Variants in MAML2 observed in about 807,000 individuals in gnomAD.
MAML2 encodes the protein mastermind-like protein 2.
MAML2 carries 22 observed loss-of-function variants against 96.1 expected under a neutral mutation model. The ratio of observed to expected loss-of-function variants is 0.23; its 90% confidence interval spans 0.16 to 0.33. The LOEUF (loss-of-function observed/expected upper bound fraction) is 0.33, where lower values mean the gene tolerates loss of function less well. MAML2 is among the 10% of genes least tolerant of loss of function. The pLI, the probability that MAML2 is intolerant of heterozygous loss-of-function variation, is 1.00. For synonymous variants in MAML2, 561 were observed against 521.3 expected, an observed-to-expected ratio of 1.08 and a Z score of -1.04; for missense variants, 1,367 against 1,392.4, an observed-to-expected ratio of 0.98 and a Z score of 0.29.
intron 1 of MAML2, among the ~76,000 whole-genome samples, chr11:96,331,173 GC>G (rs1351516152): frequency 6.6e-6 from 1 of 152,214 alleles, no homozygotes; most frequent in East Asian, 1.9e-4. Flanking sequence ...CAGAAGGCTG[GC>G]GGGGAGGATC....
At chr11:96,138,972 C>T (rs1007138472) in intron 1 of MAML2, among the ~76,000 whole-genome samples, 1 of 152,080 alleles carries the variant, frequency 6.6e-6, no homozygotes, top group African/African-American at 2.4e-5. Context: ...TTTAGTCTTC[C>T]AAAAATATGA....
At chr11:96,125,477 A>G (rs745862038) in intron 1 of MAML2, among the ~76,000 whole-genome samples, 15 of 152,128 alleles carry the variant, frequency 9.9e-5, no homozygotes, top group Non-Finnish European at 1.5e-4. Context: ...CAGTTTTACA[A>G]AAGAGAATCC....
Position 96,055,965 on chromosome 11 carries a change from T to C in MAML2, c.2139+35927A>G, listed in dbSNP as rs1022146782. Among the ~76,000 whole-genome samples, 14 of 152,368 alleles carry C rather than the reference T, an allele frequency of 9.2e-5. 1 individual carries two copies. The highest frequency in any genetic ancestry group is 3.4e-3 in the Middle Eastern group (1 of 294). On this transcript the variant is annotated intron_variant, in intron 2 of 4. Transcript: ENST00000524717. ...AAAAAAGTAATAGCATTATAACCTT[T>C]TTTTTAAAAGGGTCTGGTTTCCTTG...
intron 2 of MAML2, among the ~76,000 whole-genome samples, chr11:95,996,074 A>ATCAG (rs1483989505): frequency 6.6e-6 from 1 of 151,782 alleles, no homozygotes; most frequent in Non-Finnish European, 1.5e-5. Flanking sequence ...GGAAAAATCA[A>ATCAG]TCAATCAATC....
chr11:96,241,468 T>C (rs951787108), intron 1 of MAML2, among the ~76,000 whole-genome samples: 1 of 152,220 alleles, frequency 6.6e-6, no homozygotes, highest in Non-Finnish European at 1.5e-5. Flanking sequence ...TTTTTAACTT[T>C]TGTAACTGGA....
chr11:96,180,746 G>A (rs1019871081), intron 1 of MAML2, among the ~76,000 whole-genome samples: 3 of 152,202 alleles, frequency 2.0e-5, no homozygotes, highest in Non-Finnish European at 2.9e-5. Context: ...ACCTTCATGT[G>A]TGTCCGTGTG....
intron 1 of MAML2, among the ~76,000 whole-genome samples, chr11:96,335,011 A>C (rs7114686): frequency 6.6e-6 from 1 of 152,164 alleles, no homozygotes; most frequent in Admixed American, 6.5e-5. Context: ...GGTTGAAGCT[A>C]GTCAATAGCC....
intron 2 of MAML2, among the ~76,000 whole-genome samples, chr11:96,011,472 A>C (rs7125551): frequency 0.069 from 10,473 of 152,224 alleles, 728 homozygotes; most frequent in African/African-American, 0.18. Context: ...ACAGAAAGAA[A>C]AACCAAATAC....
intron 1 of MAML2, among the ~76,000 whole-genome samples, chr11:96,252,059 A>G (rs1398660637): frequency 6.6e-6 from 1 of 152,138 alleles, no homozygotes; most frequent in Non-Finnish European, 1.5e-5. Context: ...CACCAGACGG[A>G]GTAGCAAAGA....
intron 2 of MAML2, among the ~76,000 whole-genome samples, chr11:96,006,133 G>T (rs2135722997): frequency 6.6e-6 from 1 of 152,292 alleles, no homozygotes; most frequent in South Asian, 2.1e-4. Context: ...ATGTAGCTAT[G>T]AAGTCTCTCT....
chr11:96,315,861 T>A (rs1216933893), intron 1 of MAML2, among the ~76,000 whole-genome samples: 2 of 152,252 alleles, frequency 1.3e-5, no homozygotes, highest in Non-Finnish European at 2.9e-5. Context: ...CAGTTTTACA[T>A]AATGCAACTT....
At chr11:96,106,963 T>C (rs891741126) in intron 1 of MAML2, among the ~76,000 whole-genome samples, 2 of 130,472 alleles carry the variant, frequency 1.5e-5, no homozygotes, top group African/African-American at 5.5e-5. Context: ...CATGCCATTG[T>C]AACTATGAAA....
At chr11:96,188,617 C>A (rs892954279) in intron 1 of MAML2, among the ~76,000 whole-genome samples, 2 of 151,458 alleles carry the variant, frequency 1.3e-5, no homozygotes, top group African/African-American at 2.4e-5. Flanking sequence ...AAAAAATGAA[C>A]TTTATGTCCT....
intron 2 of MAML2, among the ~76,000 whole-genome samples, chr11:96,015,775 A>G (rs964521362): frequency 1.3e-5 from 2 of 152,186 alleles, no homozygotes; most frequent in Non-Finnish European, 2.9e-5. Context: ...AATTCTGAAC[A>G]AGTTAGTCCA....
At chr11:96,080,238 G>T (rs753725885) in intron 2 of MAML2, among the ~76,000 whole-genome samples, 1 of 152,068 alleles carries the variant, frequency 6.6e-6, no homozygotes, top group Non-Finnish European at 1.5e-5. Context: ...TAATGGATAC[G>T]GCCTAAAGTT....
chr11:96,077,925 T>C (rs1451204851), intron 2 of MAML2, among the ~76,000 whole-genome samples: 1 of 152,204 alleles, frequency 6.6e-6, no homozygotes, highest in Non-Finnish European at 1.5e-5. Flanking sequence ...ACACTGTAAA[T>C]GTCCATGCTA....
At chr11:96,060,580 A>G (rs1378039192) in intron 2 of MAML2, among the ~76,000 whole-genome samples, 1 of 152,214 alleles carries the variant, frequency 6.6e-6, no homozygotes, top group Non-Finnish European at 1.5e-5. Flanking sequence ...TCTAAATGAA[A>G]AGACCTAATG....
At chr11:96,154,874 G>A (rs1227601593) in intron 1 of MAML2, among the ~76,000 whole-genome samples, 2 of 152,176 alleles carry the variant, frequency 1.3e-5, no homozygotes, top group East Asian at 3.9e-4. Context: ...ATTAGGTGAA[G>A]TGACTCTTCT....
chr11:96,313,138 A>G (rs1863568486), intron 1 of MAML2, among the ~76,000 whole-genome samples: 1 of 152,192 alleles, frequency 6.6e-6, no homozygotes. Context: ...GCACATGTGA[A>G]GGAAACTGAG....
Sources: allele counts gnomAD v4.1 joint callset (sites outside exome capture counted in the v4.1 genomes callset), GRCh38; gene constraint gnomAD v4.1.1; transcripts MANE v1.5; gene names NCBI Gene and HGNC (gene_info 2026-07-23, HGNC 2026-07-21).